Variants in RYR3 observed in about 807,000 individuals in gnomAD.
RYR3 encodes the protein brain ryanodine receptor-calcium release channel.
RYR3 carries 207 observed loss-of-function variants against 584.3 expected under a neutral mutation model. The ratio of observed to expected loss-of-function variants is 0.35; its 90% CI spans 0.32 to 0.40. The LOEUF is 0.40. Among genes scored for constraint, RYR3 ranks in the 10% least tolerant of loss-of-function variants. The pLI, the probability that RYR3 is intolerant of heterozygous loss-of-function variation, is 1.00. For missense variants in RYR3, 5,616 were observed against 6,089.2 expected (o/e 0.92, Z 2.59); for synonymous variants, 2,416 against 2,248.5 (o/e 1.07, Z -2.11).
Position 33,550,289 on chromosome 15 carries a change from C to A in RYR3, c.945C>A (p.Ser315=), listed in dbSNP as rs1397260652. ...ACCGGGCAAAGTCAGACACCAAGTC[C>A]ACAGCTTTCTCTTTCCGGGCATCAA... ...LQDRAKSDTK[S]TAFSFRASKE... is the part of the protein sequence containing the mutation. The change falls in exon 10 of 104, where the codon TCC becomes TCA. Residue 315 remains serine, a synonymous_variant. Coordinates refer to ENST00000634891, the MANE Select transcript of RYR3 (RefSeq NM_001036.6). 1.9e-6 allele frequency: 3 copies of A among 1,613,264 alleles called. No homozygotes were observed. Among genetic ancestry groups the A allele is most frequent in the Admixed American group, 1.7e-5 (1 of 59,950 alleles).
chr15:33,556,530 G>A (rs574750666), intron 10 of RYR3, among the ~76,000 whole-genome samples: 2 of 152,222 alleles, frequency 1.3e-5, no homozygotes, highest in South Asian at 4.2e-4. Context: ...TTTACCACAG[G>A]ACTAACAAGA....
Position 33,731,672 on chromosome 15 carries a change from G to A in RYR3, c.7402G>A (p.Glu2468Lys). 1 of 1,612,202 alleles carries A rather than the reference G, an allele frequency of 6.2e-7. No individual in the cohort carries two copies. Among genetic ancestry groups the A allele is most frequent in the Non-Finnish European group, 8.5e-7 (1 of 1,178,468 alleles). Residue 2468 changes from glutamate to lysine, a missense_variant, in exon 48 of 104, where the codon GAA (glutamate) becomes AAA (lysine). By Grantham distance (56) the Glu-to-Lys change is moderately conservative. This residue lies in a region of RYR3 where 1,280 missense variants were observed against 1,426.2 expected (regional missense o/e 0.90). Transcript: ENST00000634891. ...LTKAQRDTIE[E>K]CLLAICNHLR... ...CAAAGCACAAAGGGACACTATAGAA[G>A]AATGTTTGCTTGCCATTTGCAAGTA... is the stretch of plus-strand genomic sequence containing the variant.
At chr15:33,744,103 A>G (rs2070437893) in intron 52 of RYR3, among the ~76,000 whole-genome samples, 1 of 152,016 alleles carries the variant, frequency 6.6e-6, no homozygotes, top group South Asian at 2.1e-4. Flanking sequence ...CCTCTGCCTG[A>G]GCCTGCCAGA....
At chr15:33,633,861 C>T (rs774257313) in intron 24 of RYR3, among the ~76,000 whole-genome samples, 13 of 152,158 alleles carry the variant, frequency 8.5e-5, no homozygotes, top group Non-Finnish European at 1.8e-4. Context: ...GCCACCTTTT[C>T]CGATGTTTCT....
At chr15:33,656,822 A>G (rs1488474912) in intron 32 of RYR3, among the ~76,000 whole-genome samples, 2 of 152,108 alleles carry the variant, frequency 1.3e-5, no homozygotes, top group East Asian at 3.9e-4. Context: ...CAAAGCCAAC[A>G]AGGGCACGTC....
intron 60 of RYR3, among the ~76,000 whole-genome samples, chr15:33,767,719 T>C (rs2073218183): frequency 6.6e-6 from 1 of 152,170 alleles, no homozygotes; most frequent in African/African-American, 2.4e-5. Context: ...TTTTCTCTCT[T>C]CTTTTTTCCC....
intron 34 of RYR3, among the ~76,000 whole-genome samples, chr15:33,660,981 A>T (rs1019366786): frequency 6.6e-6 from 1 of 152,232 alleles, no homozygotes; most frequent in Non-Finnish European, 1.5e-5. Flanking sequence ...CAGTTTCTGT[A>T]CATAGTAAGA....
rs1419095043 is a variant in RYR3 at position 33,856,189 on chromosome 15, GTTCT to G, written c.14007+1282_14007+1285del. 5.3e-5 allele frequency: 8 copies of G among 152,260 alleles called. No homozygotes were observed. In the East Asian group the frequency reaches 5.8e-4, roughly 11 times the overall value. 9.4% of individuals were successfully genotyped at this position (152,260 alleles called of 1,614,324 possible). ...TTTTCTTCCCTGATGCAAAGTCCAAGTTCTTTCTCTTTTTTTTCCTAAACCACCT... is the reference window on the plus strand; with the variant it reads ...TTTTCTTCCCTGATGCAAAGTCCAAGTTCTCTTTTTTTTCCTAAACCACCT... On this transcript the variant is annotated intron_variant, in intron 98 of 103. Transcript: ENST00000634891.
intron 43 of RYR3, among the ~76,000 whole-genome samples, chr15:33,719,916 TATG>T (rs1811720069): frequency 6.6e-6 from 1 of 152,238 alleles, no homozygotes; most frequent in African/African-American, 2.4e-5. Flanking sequence ...ATCCCATTAT[TATG>T]ATAATTTTAC....
chr15:33,605,184 C>T (rs774057830), intron 18 of RYR3, among the ~76,000 whole-genome samples: 2 of 152,188 alleles, frequency 1.3e-5, no homozygotes, highest in Non-Finnish European at 1.5e-5. Flanking sequence ...GCATGGGGCA[C>T]TTAGTGTATT....
chr15:33,319,522 A>G (rs1391155224), intron 1 of RYR3, among the ~76,000 whole-genome samples: 1 of 152,234 alleles, frequency 6.6e-6, no homozygotes, highest in Non-Finnish European at 1.5e-5. Context: ...TGAGGTCTTG[A>G]ACAGATCTCA....
chr15:33,336,440 A>AAGAGAGAGAGAGAGAGAG (rs1204873404), intron 1 of RYR3, among the ~76,000 whole-genome samples: 2 of 12,142 alleles, frequency 1.6e-4, no homozygotes, highest in Non-Finnish European at 2.4e-4. Context: ...GAAAGAAAGA[A>AAGAGAGAGAGAGAGAGAG]AGAGAGAGAG....
At chr15:33,788,847 A>G (rs1400393883) in intron 67 of RYR3, among the ~76,000 whole-genome samples, 1 of 152,250 alleles carries the variant, frequency 6.6e-6, no homozygotes, top group Non-Finnish European at 1.5e-5. Context: ...AACAGAAAAG[A>G]CAAGCTCTCT....
Position 33,854,667 on chromosome 15 carries a change from C to G in RYR3, c.13861-99C>G. The G allele has an allele frequency of 2.0e-6, 3 of 1,466,306 alleles. No individual in the cohort carries two copies. The East Asian group carries it at 6.8e-5, about 33-fold the overall frequency. The allele number at this position is 1,466,306 out of a possible 1,614,324, so 90.8% of individuals were successfully genotyped here. A position where few individuals can be genotyped will look rare whatever the true frequency, so the allele number is the denominator to read the frequency against. ...CACAGCACCTCAGCACCTAAACCCCCTCTATCCTCAGTGTGTCTCCCAAAA... is the reference window on the plus strand; with the variant it reads ...CACAGCACCTCAGCACCTAAACCCCGTCTATCCTCAGTGTGTCTCCCAAAA... On this transcript the variant is annotated intron_variant, in intron 97 of 103. Coordinates refer to ENST00000634891, the MANE Select transcript of RYR3 (RefSeq NM_001036.6).
At chr15:33,698,466 C>T (rs2066020145) in intron 40 of RYR3, among the ~76,000 whole-genome samples, 1 of 152,176 alleles carries the variant, frequency 6.6e-6, no homozygotes, top group African/African-American at 2.4e-5. Context: ...TCATAAGGAG[C>T]CCGCATCAGG....
chr15:33,548,700 C>T (rs2056439079), intron 9 of RYR3, among the ~76,000 whole-genome samples: 1 of 152,188 alleles, frequency 6.6e-6, no homozygotes, highest in African/African-American at 2.4e-5. Context: ...AGTTTTGTCC[C>T]TTGGTGGAAG....
At chr15:33,750,103 A>C in intron 56 of RYR3, 49 bp downstream of exon 56, 1 of 1,607,362 alleles carries the variant, frequency 6.2e-7, no homozygotes, top group Non-Finnish European at 8.5e-7. Context: ...CGGGGCAGCT[A>C]TGGTCTCCCA....
chr15:33,580,869 G>A (rs2058554009), intron 13 of RYR3, among the ~76,000 whole-genome samples: 1 of 152,124 alleles, frequency 6.6e-6, no homozygotes, highest in African/African-American at 2.4e-5. Context: ...TGGCCTCAGG[G>A]GCATTCTCTA....
intron 6 of RYR3, among the ~76,000 whole-genome samples, chr15:33,540,047 T>A (rs1405576856): frequency 5.9e-5 from 9 of 152,140 alleles, no homozygotes; most frequent in African/African-American, 2.2e-4. Flanking sequence ...AAATACTGTC[T>A]GCTGCCACGT....
Sources: gnomAD v4.1 joint callset for allele counts (sites outside exome capture counted in the v4.1 genomes callset) on GRCh38, gnomAD v4.1.1 for gene constraint, gnomAD v4.1.1 regional missense constraint, MANE v1.5 for transcripts, NCBI Gene and HGNC (gene_info 2026-07-23, HGNC 2026-07-21) for gene names.